NAV3: variants seen among roughly 807,000 people sequenced by gnomAD.
The protein encoded by NAV3 is pore membrane and/or filament interacting like protein 1.
NAV3 carries 87 observed loss-of-function variants against 244.7 expected under a neutral mutation model. The ratio of observed to expected loss-of-function variants is 0.36; its 90% CI spans 0.30 to 0.42. The LOEUF (loss-of-function observed/expected upper bound fraction) is 0.42. Among genes scored for constraint, NAV3 ranks in the 20% least tolerant of loss-of-function variants. The probability of loss-of-function intolerance (pLI) is 1.00; values close to 1 mark genes in which losing one functional copy is unlikely to be tolerated. For synonymous variants in NAV3, 1,126 were observed against 1,042.2 expected, an observed-to-expected ratio of 1.08 and a Z score of -1.55; for missense variants, 2,663 against 2,893.3, an observed-to-expected ratio of 0.92 and a Z score of 1.83.
intron 12 of NAV3, among the ~76,000 whole-genome samples, chr12:78,095,075 A>ATATG (rs1566123706): frequency 4.1e-5 from 6 of 146,938 alleles, no homozygotes; most frequent in Admixed American, 6.9e-5. Context: ...ACACACACAC[A>ATATG]CACACACACA....
At chr12:78,160,406 T>TAC (rs1555184850) in intron 23 of NAV3, among the ~76,000 whole-genome samples, 1 of 138,820 alleles carries the variant, frequency 7.2e-6, no homozygotes, top group Non-Finnish European at 1.6e-5. Flanking sequence ...TGTGCGTGCG[T>TAC]GTGTGTGTGT....
chr12:78,008,562 T>C (rs117294409), intron 8 of NAV3, among the ~76,000 whole-genome samples: 5,643 of 152,266 alleles, frequency 0.037, 110 homozygotes, highest in Admixed American at 0.063. Flanking sequence ...GGACCCACTA[T>C]AATTAAGAAA....
intron 1 of NAV3, among the ~76,000 whole-genome samples, chr12:77,854,849 G>A (rs1230813557): frequency 6.6e-6 from 1 of 152,130 alleles, no homozygotes; most frequent in Non-Finnish European, 1.5e-5. Flanking sequence ...CGGGTGCAGT[G>A]GCTCACGCCT....
intron 2 of NAV3, among the ~76,000 whole-genome samples, chr12:77,797,994 C>T (rs1198275886): frequency 6.6e-6 from 1 of 151,618 alleles, no homozygotes; most frequent in African/African-American, 2.4e-5. Context: ...CGTGGTGAAA[C>T]CCTGTCTCTA....
At chr12:77,716,806 A>G (rs1876382597) in intron 2 of NAV3, among the ~76,000 whole-genome samples, 1 of 152,018 alleles carries the variant, frequency 6.6e-6, no homozygotes, top group Admixed American at 6.6e-5. Context: ...TACCTATAAA[A>G]AGGGTTCTGC....
At position 77,744,345 on chromosome 12, in the gene NAV3, T is replaced by C. The variant is rs577568522; in HGVS notation, c.72+172079T>C. On this transcript the variant is annotated intron_variant, in intron 2 of 8. Coordinates refer to the NAV3 transcript ENST00000550042. ...GGAAAGATTTTTCAACAAATGGTTC[T>C]CTAACAATTGAAAAGCTTTTATTTA... 3.3e-5 allele frequency among the ~76,000 whole-genome samples: 5 copies of C among 152,150 alleles called. No individual in the cohort carries two copies. The East Asian group carries it at 9.7e-4, about 29-fold the overall frequency.
chr12:78,164,548 T>C (rs1957699755), intron 23 of NAV3, among the ~76,000 whole-genome samples: 1 of 152,136 alleles, frequency 6.6e-6, no homozygotes. Flanking sequence ...TTAAAAAATA[T>C]ATTGCTGGAG....
chr12:77,857,826 C>T (rs1207456035), intron 1 of NAV3, among the ~76,000 whole-genome samples: 1 of 151,766 alleles, frequency 6.6e-6, no homozygotes, highest in East Asian at 1.9e-4. Flanking sequence ...ACTGAACCCC[C>T]CCAAACACAT....
intron 8 of NAV3, among the ~76,000 whole-genome samples, chr12:78,017,078 C>G (rs1033492306): frequency 6.6e-6 from 1 of 152,084 alleles, no homozygotes; most frequent in East Asian, 1.9e-4. Context: ...AGATTGTTAC[C>G]TAGGGCAACT....
chr12:77,801,637 T>C (rs1442614381), intron 2 of NAV3, among the ~76,000 whole-genome samples: 1 of 152,178 alleles, frequency 6.6e-6, no homozygotes, highest in Non-Finnish European at 1.5e-5. Flanking sequence ...AAGTAGTATG[T>C]CCCATCCAAA....
At chr12:77,929,810 T>TG in intron 1 of NAV3, among the ~76,000 whole-genome samples, 1 of 148,016 alleles carries the variant, frequency 6.8e-6, no homozygotes. Context: ...TTTTTTTTTT[T>TG]TTTTTTTTTT....
intron 2 of NAV3, among the ~76,000 whole-genome samples, chr12:77,678,011 A>G (rs1874282328): frequency 6.6e-6 from 1 of 152,136 alleles, no homozygotes; most frequent in South Asian, 2.1e-4. Context: ...ATGATTTTCT[A>G]AAGGACAGAT....
At chr12:78,042,922 C>T (rs1414596958) in intron 9 of NAV3, among the ~76,000 whole-genome samples, 1 of 150,904 alleles carries the variant, frequency 6.6e-6, no homozygotes, top group Non-Finnish European at 1.5e-5. Flanking sequence ...AATTAGGATC[C>T]TAATGATCAT....
upstream of NAV3, among the ~76,000 whole-genome samples, chr12:77,830,231 G>A (rs1873464054): frequency 6.6e-6 from 1 of 152,144 alleles, no homozygotes; most frequent in Non-Finnish European, 1.5e-5. Flanking sequence ...AGAAGCTTGG[G>A]ATTTTAAGTT....
At chr12:77,682,029 G>A (rs936017729) in intron 2 of NAV3, among the ~76,000 whole-genome samples, 4 of 152,034 alleles carry the variant, frequency 2.6e-5, no homozygotes, top group Non-Finnish European at 5.9e-5. Context: ...TTCAACGATG[G>A]AATTCATTGT....
chr12:77,875,324 C>G (rs1881691344), intron 1 of NAV3, among the ~76,000 whole-genome samples: 1 of 152,090 alleles, frequency 6.6e-6, no homozygotes, highest in African/African-American at 2.4e-5. Context: ...ATACTGCTTT[C>G]TGTCTAATGA....
At chr12:78,123,327 T>A (rs1178468527) in intron 16 of NAV3, among the ~76,000 whole-genome samples, 1 of 148,120 alleles carries the variant, frequency 6.8e-6, no homozygotes. Context: ...TTTCTATGTC[T>A]TCCCCTGTTT....
intron 12 of NAV3, among the ~76,000 whole-genome samples, chr12:78,097,793 A>G (rs1217206312): frequency 6.6e-6 from 1 of 152,186 alleles, no homozygotes; most frequent in African/African-American, 2.4e-5. Context: ...CTCTGTAACT[A>G]AGTTGTTGAG....
chr12:77,665,135 T>C (rs1382221711), intron 2 of NAV3, among the ~76,000 whole-genome samples: 5 of 152,244 alleles, frequency 3.3e-5, no homozygotes, highest in African/African-American at 1.2e-4. Flanking sequence ...GTGGGGATAC[T>C]TGACCTTTTG....
Sources: gnomAD v4.1 joint callset for allele counts (sites outside exome capture counted in the v4.1 genomes callset) on GRCh38, gnomAD v4.1.1 for gene constraint, MANE v1.5 for transcripts, NCBI Gene and HGNC (gene_info 2026-07-23, HGNC 2026-07-21) for gene names.